Variants in DOCK11 observed in about 807,000 individuals in gnomAD.
The protein encoded by DOCK11 is dedicator of cytokinesis protein 11.
A neutral mutation model predicts 169.1 loss-of-function variants in DOCK11; 70 were observed. The observed-to-expected ratio is 0.41, with a 90% CI of 0.34 to 0.51. DOCK11 has a LOEUF of 0.51. DOCK11 is among the 20% of genes least tolerant of loss of function. The pLI is 0.10. For missense variants in DOCK11, 1,166 were observed against 1,538.8 expected (o/e 0.76, Z 4.05); for synonymous variants, 529 against 541.3 (o/e 0.98, Z 0.32).
intron 1 of DOCK11, among the ~76,000 whole-genome samples, chrX:118,503,346 C>T (rs751627517): frequency 1.7e-4 from 19 of 111,712 alleles, no homozygotes; most frequent in Non-Finnish European, 3.2e-4. Flanking sequence ...CAGGCCTGAG[C>T]CACTGCACCA....
chrX:118,618,596 C>T lies in DOCK11; in HGVS notation c.3339C>T (p.His1113=), dbSNP rs1326062782. 8.3e-7 allele frequency: 1 copy of T among 1,208,944 alleles called. No individual in the cohort carries two copies. Among genetic ancestry groups the T allele is most frequent in the Non-Finnish European group, 1.1e-6 (1 of 894,217 alleles). Residue 1113 remains histidine (H), a synonymous_variant, in exon 31 of 53, where the codon CAC becomes CAT. Coordinates refer to ENST00000276202, the MANE Select transcript of DOCK11 (RefSeq NM_144658.4). ...YSLSDEYCKH[H]FLVGLLLRET... is the part of the protein sequence containing the mutation. ...TATCAGATGAGTATTGCAAGCATCA[C>T]TTCTTGGTTGGTCTACTTCTGAGGG... is the stretch of plus-strand genomic sequence containing the variant.
At chrX:118,607,452 C>T (rs1170930299) in intron 24 of DOCK11, among the ~76,000 whole-genome samples, 4 of 63,828 alleles carry the variant, frequency 6.3e-5, no homozygotes, top group Non-Finnish European at 8.4e-5. Flanking sequence ...GACAGAGTCT[C>T]GCTCTGTTGC....
chrX:118,546,129 T>A lies in DOCK11; in HGVS notation c.558+13T>A. 2 of 1,046,397 alleles carry A rather than the reference T, an allele frequency of 1.9e-6. No homozygotes were observed. Among genetic ancestry groups the A allele is most frequent in the Non-Finnish European group, 2.6e-6 (2 of 759,967 alleles). 86.2% of individuals were successfully genotyped at this position (1,046,397 alleles called of 1,213,427 possible). The stretch of plus-strand genomic sequence containing the variant: ...AGTAACCATGAAGGTAGGAAGTAGT[T>A]ATTATATTATTCCATCATTTTAATG... On this transcript the variant is annotated intron_variant, in intron 6 of 52. Transcript: ENST00000276202.
At chrX:118,584,000 C>T (rs1395316061) in intron 14 of DOCK11, among the ~76,000 whole-genome samples, 7 of 111,651 alleles carry the variant, frequency 6.3e-5, no homozygotes, top group South Asian at 3.7e-4. Flanking sequence ...AGAGAACCGA[C>T]TCTACATTGT....
chrX:118,570,498 G>A (rs1213324126), intron 10 of DOCK11, among the ~76,000 whole-genome samples: 1 of 112,468 alleles, frequency 8.9e-6, no homozygotes, highest in African/African-American at 3.2e-5. Flanking sequence ...TCCTTTTGTA[G>A]ATAAATAGAT....
At chrX:118,504,218 G>A (rs1603017406) in intron 1 of DOCK11, among the ~76,000 whole-genome samples, 1 of 110,349 alleles carries the variant, frequency 9.1e-6, no homozygotes. Context: ...GGTTCGACAA[G>A]GTTAAATAGG....
intron 44 of DOCK11, among the ~76,000 whole-genome samples, chrX:118,656,465 G>C (rs1316223558): frequency 9.0e-6 from 1 of 110,658 alleles, no homozygotes; most frequent in Non-Finnish European, 1.9e-5. Flanking sequence ...TTTAAACAGA[G>C]AAGGAGATTA....
chrX:118,526,971 A>G (rs2011391342), intron 1 of DOCK11, among the ~76,000 whole-genome samples: 1 of 111,902 alleles, frequency 8.9e-6, no homozygotes, highest in East Asian at 2.8e-4. Flanking sequence ...TGGGACTCCA[A>G]AAACATATAA....
At chrX:118,577,213 T>C (rs58840292) in intron 12 of DOCK11, among the ~76,000 whole-genome samples, 43,405 of 111,033 alleles carry the variant, frequency 0.39, 6,129 homozygotes, top group East Asian at 0.65. Flanking sequence ...GCACTCAAGG[T>C]GCACTGCTCA....
At chrX:118,657,018 T>G (rs181933626) in intron 44 of DOCK11, among the ~76,000 whole-genome samples, 1 of 112,241 alleles carries the variant, frequency 8.9e-6, no homozygotes, top group African/African-American at 3.2e-5. Flanking sequence ...AAATAGTTAA[T>G]TATATTAAAA....
In DOCK11 at chrX:118,519,611, A is replaced by G. The variant is rs2057710964; in HGVS notation, c.103-23114A>G. Among the ~76,000 whole-genome samples the G allele has an allele frequency of 1.8e-5, 2 of 111,886 alleles. 1 individual carries two copies. Among genetic ancestry groups the G allele is most frequent in the African/African-American group, 6.5e-5 (2 of 30,773 alleles). ...GAGGCAAGGCGCTGATGAAATGAGT[A>G]TGTGAACCACCAAAATCATGGTGAA... On this transcript the variant is annotated intron_variant, in intron 1 of 52. Transcript: ENST00000276202.
chrX:118,613,831 C>G (rs757601625), intron 28 of DOCK11, among the ~76,000 whole-genome samples: 1 of 112,517 alleles, frequency 8.9e-6, no homozygotes, highest in Non-Finnish European at 1.9e-5. Flanking sequence ...GTCTCTCTCT[C>G]TCTCTCTTTT....
chrX:118,590,881 T>C (rs1190045283), intron 19 of DOCK11, among the ~76,000 whole-genome samples: 2 of 111,804 alleles, frequency 1.8e-5, no homozygotes, highest in African/African-American at 6.5e-5. Flanking sequence ...ATTGTGTCTC[T>C]GCCTTTGAAA....
intron 23 of DOCK11, among the ~76,000 whole-genome samples, chrX:118,603,030 A>G (rs999033647): frequency 8.9e-6 from 1 of 111,872 alleles, no homozygotes; most frequent in Non-Finnish European, 1.9e-5. Context: ...GAGATCCAAC[A>G]TGACCAGGAG....
At chrX:118,645,416 G>A (rs989622256) in intron 40 of DOCK11, among the ~76,000 whole-genome samples, 1 of 111,520 alleles carries the variant, frequency 9.0e-6, no homozygotes, top group Admixed American at 9.5e-5. Flanking sequence ...ATCATGAGCC[G>A]GGCGCAGTGG....
chrX:118,507,550 A>G (rs1215445488), intron 1 of DOCK11, among the ~76,000 whole-genome samples: 1 of 111,108 alleles, frequency 9.0e-6, no homozygotes, highest in Non-Finnish European at 1.9e-5. Context: ...GGGTTTCACC[A>G]TGTTGGCCAT....
intron 35 of DOCK11, among the ~76,000 whole-genome samples, chrX:118,634,588 A>G (rs2015336392): frequency 8.9e-6 from 1 of 112,828 alleles, no homozygotes; most frequent in Admixed American, 9.3e-5. Flanking sequence ...CAGCACCCTC[A>G]GGCAGTGGCG....
chrX:118,542,644 G>A, intron 1 of DOCK11, 81 bp from the exon 2 acceptor site: 1 of 688,094 alleles, frequency 1.5e-6, no homozygotes, highest in Non-Finnish European at 2.3e-6. Flanking sequence ...CCTTTGAGAA[G>A]TAATGTATCT....
At chrX:118,599,734 C>T (rs761624468) in intron 23 of DOCK11, among the ~76,000 whole-genome samples, 2 of 112,447 alleles carry the variant, frequency 1.8e-5, no homozygotes, top group African/African-American at 6.5e-5. Flanking sequence ...GGTTTTTTCC[C>T]TGTGTGCTAG....
Sources: gnomAD v4.1 joint callset for allele counts (sites outside exome capture counted in the v4.1 genomes callset) on GRCh38, gnomAD v4.1.1 for gene constraint, MANE v1.5 for transcripts, NCBI Gene and HGNC (gene_info 2026-07-23, HGNC 2026-07-21) for gene names.